Variants in TOX observed in about 807,000 individuals in gnomAD.
TOX encodes the protein thymocyte selection associated high mobility group box.
In TOX, 11 loss-of-function variants were observed where a neutral mutation model predicts 53.7. That is an observed-to-expected ratio of 0.20 (90% CI 0.13 to 0.34). The LOEUF is 0.34. TOX is among the 10% of genes least tolerant of loss of function. The probability of loss-of-function intolerance (pLI) is 1.00; values close to 1 mark genes in which losing one functional copy is unlikely to be tolerated. For missense variants in TOX, 570 were observed against 664.6 expected (o/e 0.86, Z 1.56); for synonymous variants, 225 against 245.3 (o/e 0.92, Z 0.77).
intron 1 of TOX, among the ~76,000 whole-genome samples, chr8:59,068,326 A>G (rs1489790144): frequency 6.6e-6 from 1 of 152,130 alleles, no homozygotes; most frequent in Non-Finnish European, 1.5e-5. Context: ...AATATAATAT[A>G]GTCTCAGTGT....
chr8:58,884,493 C>T lies in TOX; in HGVS notation c.412-32688G>A, dbSNP rs192437007. On this transcript the variant is annotated intron_variant, in intron 3 of 8. Coordinates refer to ENST00000361421, the MANE Select transcript of TOX (RefSeq NM_014729.3). ...AGCAGTAATAAATCATTAGTCTCTG[C>T]AAAATGATTTATAAGTTGGTTGAAA... Among the ~76,000 whole-genome samples the T allele has an allele frequency of 1.7e-4, 26 of 152,186 alleles. No homozygotes were observed. The East Asian group carries it at 5.0e-3, about 29-fold the overall frequency.
chr8:59,065,119 C>T (rs371622674), intron 1 of TOX, among the ~76,000 whole-genome samples: 46 of 152,254 alleles, frequency 3.0e-4, no homozygotes, highest in Middle Eastern at 3.4e-3. Context: ...AATAGTAACT[C>T]CTTTCATACT....
chr8:58,880,723 C>G (rs979973185), intron 3 of TOX, among the ~76,000 whole-genome samples: 1 of 152,248 alleles, frequency 6.6e-6, no homozygotes, highest in East Asian at 1.9e-4. Context: ...TTACGTATAC[C>G]TAAGATTGTC....
chr8:58,919,178 C>T (rs1269740201), intron 3 of TOX, among the ~76,000 whole-genome samples: 1 of 151,264 alleles, frequency 6.6e-6, no homozygotes, highest in East Asian at 1.9e-4. Context: ...CTGCCAATGA[C>T]TTTCTTCACA....
At chr8:58,928,541 T>C (rs1422336834) in intron 3 of TOX, among the ~76,000 whole-genome samples, 3 of 152,134 alleles carry the variant, frequency 2.0e-5, no homozygotes, top group Non-Finnish European at 2.9e-5. Flanking sequence ...CATATATACA[T>C]ACAGATGCAA....
intron 1 of TOX, among the ~76,000 whole-genome samples, chr8:59,093,656 G>A (rs1804663771): frequency 6.6e-6 from 1 of 152,184 alleles, no homozygotes; most frequent in African/African-American, 2.4e-5. Flanking sequence ...AAGTTTTTCT[G>A]TGTGGGTTCT....
intron 1 of TOX, among the ~76,000 whole-genome samples, chr8:59,089,561 G>A (rs975058481): frequency 6.6e-6 from 1 of 152,144 alleles, no homozygotes; most frequent in Non-Finnish European, 1.5e-5. Context: ...GGGAAAAAAC[G>A]CAAGGCTGAC....
chr8:58,970,503 A>G (rs1812981941), intron 1 of TOX, among the ~76,000 whole-genome samples: 1 of 152,212 alleles, frequency 6.6e-6, no homozygotes, highest in African/African-American at 2.4e-5. Flanking sequence ...AACATGCAGA[A>G]ACTTGAAGTC....
At chr8:59,013,096 C>G (rs1813939956) in intron 1 of TOX, among the ~76,000 whole-genome samples, 1 of 152,174 alleles carries the variant, frequency 6.6e-6, no homozygotes, top group African/African-American at 2.4e-5. Context: ...CTTCATAGAA[C>G]TATTGGCAGA....
At chr8:59,094,708 C>T (rs1027987626) in intron 1 of TOX, among the ~76,000 whole-genome samples, 1 of 152,086 alleles carries the variant, frequency 6.6e-6, no homozygotes, top group Non-Finnish European at 1.5e-5. Context: ...TCTGAAGCAG[C>T]CCAGAGTTTG....
At chr8:58,963,202 C>A (rs996437953) in intron 1 of TOX, among the ~76,000 whole-genome samples, 1 of 152,156 alleles carries the variant, frequency 6.6e-6, no homozygotes, top group African/African-American at 2.4e-5. Context: ...TCTCCTGGCT[C>A]TCCAGCTTGC....
chr8:58,909,456 T>C (rs1811873156), intron 3 of TOX, among the ~76,000 whole-genome samples: 1 of 152,172 alleles, frequency 6.6e-6, no homozygotes, highest in Non-Finnish European at 1.5e-5. Context: ...ACAAGATCAC[T>C]TGGTGATTTG....
At position 58,896,748 on chromosome 8, in the gene TOX, C is replaced by T. The variant is rs10096247; in HGVS notation, c.411+42554G>A. On this transcript the variant is annotated intron_variant, in intron 3 of 8. Coordinates refer to ENST00000361421, the MANE Select transcript of TOX (RefSeq NM_014729.3). ...CCTTTTCACCTTAAGGGAGGAAATG[C>T]CATTTCAGTACTTTAGTCTATCCAA... Among the ~76,000 whole-genome samples, 1,233 of 152,060 alleles carry T rather than the reference C, an allele frequency of 8.1e-3. 24 individuals carry two copies. The highest frequency in any genetic ancestry group is 0.028 in the African/African-American group (1,183 of 41,530).
chr8:59,105,945 A>G (rs1048887751), intron 1 of TOX, among the ~76,000 whole-genome samples: 1 of 152,124 alleles, frequency 6.6e-6, no homozygotes, highest in African/African-American at 2.4e-5. Flanking sequence ...CCACTTTAAA[A>G]TCTCACATGT....
At chr8:58,891,881 G>A (rs772753624) in intron 3 of TOX, among the ~76,000 whole-genome samples, 2 of 152,156 alleles carry the variant, frequency 1.3e-5, no homozygotes, top group Non-Finnish European at 2.9e-5. Flanking sequence ...CTAGCAAACA[G>A]TGTCTCACTG....
At chr8:59,085,602 G>A (rs1309634864) in intron 1 of TOX, among the ~76,000 whole-genome samples, 1 of 152,134 alleles carries the variant, frequency 6.6e-6, no homozygotes, top group African/African-American at 2.4e-5. Flanking sequence ...TGCCCAGGCT[G>A]GTCTCAAACT....
intron 2 of TOX, among the ~76,000 whole-genome samples, chr8:58,957,855 C>T (rs905509209): frequency 6.6e-6 from 1 of 151,820 alleles, no homozygotes; most frequent in African/African-American, 2.4e-5. Flanking sequence ...TTTATGGTTG[C>T]CTAAAGGGGT....
chr8:58,966,212 C>T (rs1045528660), intron 1 of TOX, among the ~76,000 whole-genome samples: 1 of 152,094 alleles, frequency 6.6e-6, no homozygotes, highest in African/African-American at 2.4e-5. Flanking sequence ...AGTCTTAAGT[C>T]AGTCTGCCTC....
At chr8:59,055,013 C>A (rs992923255) in intron 1 of TOX, among the ~76,000 whole-genome samples, 1 of 151,004 alleles carries the variant, frequency 6.6e-6, no homozygotes, top group Non-Finnish European at 1.5e-5. Context: ...AAAAAAGAGT[C>A]AAAGAAAGAA....
Sources: gnomAD v4.1 joint callset for allele counts (sites outside exome capture counted in the v4.1 genomes callset) on GRCh38, gnomAD v4.1.1 for gene constraint, MANE v1.5 for transcripts, NCBI Gene and HGNC (gene_info 2026-07-23, HGNC 2026-07-21) for gene names.